DSN1: variants seen among roughly 807,000 people sequenced by gnomAD.
The protein encoded by DSN1 is DSN1 component of MIS12 kinetochore complex, also known as kinetochore-associated protein DSN1 homolog.
Under a neutral mutation model 45.7 loss-of-function variants are expected in DSN1, and 31 were observed. The observed-to-expected ratio is 0.68, with a 90% CI of 0.51 to 0.92. The LOEUF is 0.92. Ranked by LOEUF, DSN1 falls within the 40% of genes least tolerant of loss-of-function variation. DSN1 has a pLI of 0.00. For synonymous variants in DSN1, 134 were observed against 142.3 expected, an observed-to-expected ratio of 0.94 and a Z score of 0.41; for missense variants, 394 against 414.2, an observed-to-expected ratio of 0.95 and a Z score of 0.42.
At chr20:36,767,121 T>C (rs1346960614) in intron 4 of DSN1, among the ~76,000 whole-genome samples, 1 of 151,638 alleles carries the variant, frequency 6.6e-6, no homozygotes, top group African/African-American at 2.4e-5. Flanking sequence ...CTGGCCAACA[T>C]GGTGAAACCC....
chr20:36,763,944 T>G (rs1053800327), intron 5 of DSN1, among the ~76,000 whole-genome samples: 19 of 142,458 alleles, frequency 1.3e-4, no homozygotes, highest in African/African-American at 5.0e-4. Context: ...CCAGGCATAG[T>G]GCCTCACTGC....
chr20:36,763,170 A>C (rs1404441702), intron 5 of DSN1, among the ~76,000 whole-genome samples: 1 of 152,100 alleles, frequency 6.6e-6, no homozygotes, highest in African/African-American at 2.4e-5. Context: ...TTGGGAGGCC[A>C]AGGCAGGCAT....
chr20:36,766,647 T>C, intron 5 of DSN1, 122 bp downstream of exon 5: 1 of 843,476 alleles, frequency 1.2e-6, no homozygotes, highest in Non-Finnish European at 1.9e-6. Context: ...AGTGAGACTC[T>C]GTCTAAAAAA....
chr20:36,768,548 T>A (rs1224414585), intron 3 of DSN1, among the ~76,000 whole-genome samples: 3 of 152,314 alleles, frequency 2.0e-5, no homozygotes, highest in African/African-American at 4.8e-5. Flanking sequence ...GGTAATTTTT[T>A]GTATTTTTAG....
chr20:36,758,944 C>T (rs909354581), intron 6 of DSN1, among the ~76,000 whole-genome samples: 4 of 152,160 alleles, frequency 2.6e-5, no homozygotes, highest in African/African-American at 9.6e-5. Flanking sequence ...GCCTCAACCT[C>T]CCAAAGTGCT....
rs968198327 is a variant in DSN1 at position 36,758,561 on chromosome 20, G to C, written c.647C>G (p.Thr216Arg). 4 of 1,607,148 alleles carry C rather than the reference G, an allele frequency of 2.5e-6. No individual in the cohort carries two copies. In the African/African-American group the frequency reaches 5.4e-5, roughly 22 times the overall value. Reference sequence around the variant, plus strand: ...TTTCTAACAAAGGTTAACTTACTTTGTTATGTATTCCTTCATCTCAGCCAC... The same window carrying C: ...TTTCTAACAAAGGTTAACTTACTTTCTTATGTATTCCTTCATCTCAGCCAC... ...ASVAEMKEYI[T>R]KFSLERQTWD... The change falls in exon 7 of 11, where the codon ACA (threonine) becomes AGA (arginine). Residue 216 changes from threonine (T) to arginine (R), a missense_variant. Coordinates refer to ENST00000373750, the MANE Select transcript of DSN1 (RefSeq NM_001145315.2).
chr20:36,753,153 G>C (rs570671009), intron 10 of DSN1, among the ~76,000 whole-genome samples: 1 of 151,236 alleles, frequency 6.6e-6, no homozygotes, highest in African/African-American at 2.4e-5. Flanking sequence ...AGACTAGCCT[G>C]GGCAACACAG....
chr20:36,768,986 A>G (rs921408240), intron 3 of DSN1, among the ~76,000 whole-genome samples: 1 of 152,226 alleles, frequency 6.6e-6, no homozygotes, highest in African/African-American at 2.4e-5. Context: ...GAAATGCTAT[A>G]TACGTATTTC....
chr20:36,758,013 CT>C, intron 8 of DSN1, 73 bp downstream of exon 8: 1 of 1,366,410 alleles, frequency 7.3e-7, no homozygotes, highest in South Asian at 1.2e-5. Flanking sequence ...TCAATTTGTG[CT>C]AACAGAACTG....
intron 6 of DSN1, among the ~76,000 whole-genome samples, chr20:36,762,027 T>A (rs1267942966): frequency 6.9e-6 from 1 of 143,982 alleles, no homozygotes; most frequent in African/African-American, 2.5e-5. Context: ...AATAAATAAA[T>A]AAAAAGAGAA....
At chr20:36,764,251 T>C (rs1987190648) in intron 5 of DSN1, among the ~76,000 whole-genome samples, 1 of 151,836 alleles carries the variant, frequency 6.6e-6, no homozygotes, top group South Asian at 2.1e-4. Flanking sequence ...GGCGTAAGGT[T>C]AAAAACAGGC....
chr20:36,761,706 A>G (rs537002362), intron 6 of DSN1, among the ~76,000 whole-genome samples: 1 of 152,172 alleles, frequency 6.6e-6, no homozygotes, highest in African/African-American at 2.4e-5. Context: ...AGAAAAATAC[A>G]AAAAATAAGA....
In DSN1 at chr20:36,758,040, A is replaced by C. The variant is rs551826165; in HGVS notation, c.725+47T>G. ...AACAGAACTGAAATAAACACCAATC[A>C]AACTCCATAAGATTTTTAAAGAGTT... On this transcript the variant is annotated intron_variant, in intron 8 of 10. Coordinates refer to ENST00000373750, the MANE Select transcript of DSN1 (RefSeq NM_001145315.2). 4 of 1,551,732 alleles carry C rather than the reference A, an allele frequency of 2.6e-6. No homozygotes were observed. The African/African-American group carries it at 5.4e-5, about 21-fold the overall frequency.
intron 10 of DSN1, among the ~76,000 whole-genome samples, chr20:36,753,127 T>C (rs1311776807): frequency 6.7e-6 from 1 of 150,204 alleles, no homozygotes; most frequent in African/African-American, 2.5e-5. Context: ...GACGATTCCT[T>C]GAGCCCAGGA....
chr20:36,770,943 G>A lies in DSN1; in HGVS notation c.285C>T (p.Ser95=). 1 of 1,614,174 alleles carries A rather than the reference G, an allele frequency of 6.2e-7. No homozygotes were observed. The highest frequency in any genetic ancestry group is 8.5e-7 in the Non-Finnish European group (1 of 1,180,036). The change falls in exon 3 of 11, where the codon TCC becomes TCT. Residue 95 remains serine, a synonymous_variant. Transcript: ENST00000373750. ...QSASYQDRRQ[S]WRRASMKETN... ...TTTCTTTCATACTTGCTCGCCGCCA[G>A]GATTGCCTCCTGTCTTGATAACTGG...
At chr20:36,767,213 G>T (rs2425280) in intron 4 of DSN1, among the ~76,000 whole-genome samples, 1 of 151,196 alleles carries the variant, frequency 6.6e-6, no homozygotes, top group African/African-American at 2.4e-5. Flanking sequence ...AGGCTGAGGC[G>T]GTAGAATCGC....
chr20:36,766,824 A>C lies in DSN1; in HGVS notation c.447T>G (p.Leu149=), dbSNP rs754546478. 29 of 1,606,676 alleles carry C rather than the reference A, an allele frequency of 1.8e-5. No individual in the cohort carries two copies. The Middle Eastern group carries it at 6.6e-4, about 37-fold the overall frequency. The change falls in exon 5 of 11, where the codon CTT becomes CTG. Residue 149 remains leucine (L), a synonymous_variant. Transcript: ENST00000373750. ...LSSFQFSIQK[L]EPFLRDTKGF... The stretch of plus-strand genomic sequence containing the variant: ...CCTTAGTGTCCCTTAGGAAAGGTTC[A>C]AGTTTCTGAATAGAGAACTAAATAA...
rs990976040 is a variant in DSN1 at position 36,771,538 on chromosome 20, C to A, written c.-15-65G>T. On this transcript the variant is annotated intron_variant, in intron 1 of 10. Transcript: ENST00000373750. ...TCACTGCAGTCTCAATGGGGCTTTACAGCCCCAGAATAAATAGGCCGTGTG... is the reference window on the plus strand; with the variant it reads ...TCACTGCAGTCTCAATGGGGCTTTAAAGCCCCAGAATAAATAGGCCGTGTG... 8.2e-6 allele frequency: 12 copies of A among 1,465,194 alleles called. No individual in the cohort carries two copies. The African/African-American group carries it at 1.1e-4, about 14-fold the overall frequency. 90.8% of individuals were successfully genotyped at this position (1,465,194 alleles called of 1,614,324 possible).
intron 4 of DSN1, among the ~76,000 whole-genome samples, chr20:36,767,704 C>T (rs111703498): frequency 0.028 from 4,292 of 152,156 alleles, 242 homozygotes; most frequent in African/African-American, 0.098. Context: ...GAGATCGAGA[C>T]AATTCTGGCA....
Sources: gnomAD v4.1 joint callset for allele counts (sites outside exome capture counted in the v4.1 genomes callset) on GRCh38, gnomAD v4.1.1 for gene constraint, MANE v1.5 for transcripts, NCBI Gene and HGNC (gene_info 2026-07-23, HGNC 2026-07-21) for gene names.